The following FBXL7 variants were observed in gnomAD, a reference collection of about 807,000 sequenced individuals.
FBXL7 encodes F-box/LRR-repeat protein 7.
In FBXL7, 12 loss-of-function variants were observed where a neutral mutation model predicts 38.3. The ratio of observed to expected loss-of-function variants is 0.31; its 90% CI spans 0.20 to 0.51. The LOEUF (loss-of-function observed/expected upper bound fraction) is 0.51, where lower values mean the gene tolerates loss of function less well. Ranked by LOEUF, FBXL7 falls within the 20% of genes least tolerant of loss-of-function variation. The pLI is 0.98. For missense variants in FBXL7, 567 were observed against 676.4 expected (o/e 0.84, Z 1.79); for synonymous variants, 297 against 300.9 (o/e 0.99, Z 0.13).
At chr5:15,799,443 C>T (rs1263270273) in intron 2 of FBXL7, among the ~76,000 whole-genome samples, 3 of 140,922 alleles carry the variant, frequency 2.1e-5, no homozygotes, top group Non-Finnish European at 4.5e-5. Flanking sequence ...CTCACCTCAA[C>T]CTCCGCCTCC....
At chr5:15,912,752 G>A (rs117797817) in intron 2 of FBXL7, among the ~76,000 whole-genome samples, 7 of 152,020 alleles carry the variant, frequency 4.6e-5, no homozygotes, top group South Asian at 2.1e-4. Context: ...CCTGCCTCCC[G>A]CACTCAGGGA....
chr5:15,872,620 CAG>C (rs1023570906), intron 2 of FBXL7, among the ~76,000 whole-genome samples: 19 of 152,106 alleles, frequency 1.2e-4, no homozygotes, highest in African/African-American at 2.9e-4. Context: ...AGAAAAAAAA[CAG>C]GGGTTGCAAT....
At chr5:15,830,525 C>CAT (rs1483291870) in intron 2 of FBXL7, among the ~76,000 whole-genome samples, 1 of 144,640 alleles carries the variant, frequency 6.9e-6, no homozygotes, top group Non-Finnish European at 1.5e-5. Flanking sequence ...CACACACACA[C>CAT]GGAAAATTTT....
At chr5:15,840,857 A>T (rs1054463089) in intron 2 of FBXL7, among the ~76,000 whole-genome samples, 3 of 151,964 alleles carry the variant, frequency 2.0e-5, no homozygotes, top group Non-Finnish European at 4.4e-5. Context: ...AAAAAAAAAA[A>T]AAAAAAAAAA....
chr5:15,849,213 AGT>A (rs2067243), intron 2 of FBXL7, among the ~76,000 whole-genome samples: 81,246 of 152,006 alleles, frequency 0.53, 22,898 homozygotes, highest in Non-Finnish European at 0.63. Flanking sequence ...CAGTGAATGC[AGT>A]GTGTGACTCC....
chr5:15,654,452 A>G (rs571424655), intron 2 of FBXL7, among the ~76,000 whole-genome samples: 1 of 150,856 alleles, frequency 6.6e-6, no homozygotes, highest in South Asian at 2.1e-4. Flanking sequence ...GTTTTTTCTA[A>G]CAATCTACTT....
intron 2 of FBXL7, among the ~76,000 whole-genome samples, chr5:15,623,274 T>G (rs901576153): frequency 2.6e-5 from 4 of 152,330 alleles, no homozygotes; most frequent in Middle Eastern, 6.8e-3. Flanking sequence ...ATTCTTAACT[T>G]TCTTCAGTAG....
At chr5:15,702,497 A>C (rs1224951261) in intron 2 of FBXL7, among the ~76,000 whole-genome samples, 1 of 152,118 alleles carries the variant, frequency 6.6e-6, no homozygotes, top group Non-Finnish European at 1.5e-5. Context: ...TGGATCTGTT[A>C]AGTGGTCTCA....
At chr5:15,753,032 C>T (rs1010297489) in intron 2 of FBXL7, among the ~76,000 whole-genome samples, 16 of 152,090 alleles carry the variant, frequency 1.1e-4, no homozygotes, top group African/African-American at 3.1e-4. Context: ...ACATTTTCGC[C>T]GCTGCAATTC....
intron 1 of FBXL7, among the ~76,000 whole-genome samples, chr5:15,563,234 G>A (rs1738467469): frequency 6.6e-6 from 1 of 152,118 alleles, no homozygotes; most frequent in African/African-American, 2.4e-5. Flanking sequence ...ACTTAGTATA[G>A]TGCTTGGCAC....
intron 1 of FBXL7, among the ~76,000 whole-genome samples, chr5:15,557,522 G>C (rs1356655732): frequency 1.3e-5 from 2 of 152,146 alleles, no homozygotes; most frequent in Non-Finnish European, 2.9e-5. Context: ...GGCTAATGAA[G>C]ATGTTACAAT....
chr5:15,880,990 C>T (rs1175912233), intron 2 of FBXL7, among the ~76,000 whole-genome samples: 1 of 151,660 alleles, frequency 6.6e-6, no homozygotes, highest in African/African-American at 2.4e-5. Flanking sequence ...AATGGACTTT[C>T]CCAAGCTATC....
chr5:15,646,634 A>G (rs929396795), intron 2 of FBXL7, among the ~76,000 whole-genome samples: 1 of 152,214 alleles, frequency 6.6e-6, no homozygotes, highest in African/African-American at 2.4e-5. Flanking sequence ...AAATGTTTAA[A>G]CACTACACTG....
rs1741955087 is a variant in FBXL7, at chr5:15,928,485, G to T, written c.723G>T (p.Glu241Asp). 1 of 1,611,106 alleles carries T rather than the reference G, an allele frequency of 6.2e-7. No individual in the cohort carries two copies. The highest frequency in any genetic ancestry group is 1.3e-5 in the African/African-American group (1 of 74,878). The change falls in exon 3 of 4, where the codon GAG (glutamate) becomes GAT (aspartate). Residue 241 changes from glutamate (E) to aspartate (D), a missense_variant. Glu to Asp is a conservative substitution (Grantham distance 45, BLOSUM62 2). Coordinates refer to ENST00000504595, the MANE Select transcript of FBXL7 (RefSeq NM_012304.5). The surrounding 1 kb of genome is among the most constrained non-coding windows in gnomAD (Gnocchi z 4.0). Reference sequence around the variant, plus strand: ...TGGTGTCCCTCTGCCCTAATCTGGAGCACCTGGATGTGTCAGGTAAATGGA... The same window carrying T: ...TGGTGTCCCTCTGCCCTAATCTGGATCACCTGGATGTGTCAGGTAAATGGA... The part of the protein sequence containing the change: ...FDVVSLCPNL[E>D]HLDVSGCSKV...
At chr5:15,586,094 T>G (rs1013247587) in intron 1 of FBXL7, among the ~76,000 whole-genome samples, 2 of 152,222 alleles carry the variant, frequency 1.3e-5, no homozygotes, top group African/African-American at 4.8e-5. Flanking sequence ...CTCCAATATT[T>G]GGCTAAGAAC....
intron 2 of FBXL7, among the ~76,000 whole-genome samples, chr5:15,628,092 A>G (rs563478426): frequency 5.8e-4 from 88 of 152,340 alleles, no homozygotes; most frequent in Non-Finnish European, 1.1e-3. Context: ...GGTGAAGTCT[A>G]TGGGAATTAG....
intron 2 of FBXL7, among the ~76,000 whole-genome samples, chr5:15,914,571 T>C (rs899734880): frequency 3.3e-5 from 5 of 152,112 alleles, no homozygotes; most frequent in African/African-American, 1.2e-4. Context: ...ACTATTAAAC[T>C]AAGTGTATGT....
At chr5:15,627,328 C>T (rs898558806) in intron 2 of FBXL7, among the ~76,000 whole-genome samples, 1 of 152,074 alleles carries the variant, frequency 6.6e-6, no homozygotes, top group Admixed American at 6.6e-5. Flanking sequence ...AATCAGGACA[C>T]CCTCATGGAA....
At chr5:15,920,534 G>A (rs1321262506) in intron 2 of FBXL7, among the ~76,000 whole-genome samples, 1 of 147,334 alleles carries the variant, frequency 6.8e-6, no homozygotes. Flanking sequence ...GTTTTTTTTT[G>A]TTTTGAGACA....
Sources: allele counts gnomAD v4.1 joint callset (sites outside exome capture counted in the v4.1 genomes callset), GRCh38; gene constraint gnomAD v4.1.1; non-coding constraint Gnocchi (gnomAD v3.1); transcripts MANE v1.5; gene names NCBI Gene and HGNC (gene_info 2026-07-23, HGNC 2026-07-21).